Variants in DDHD2 observed in about 807,000 individuals in gnomAD.
The protein encoded by DDHD2 is triacylglycerol hydrolase DDHD2.
In DDHD2, 62 loss-of-function variants were observed where a neutral mutation model predicts 91.2. The observed-to-expected ratio is 0.68, with a 90% CI of 0.55 to 0.84. DDHD2 has a LOEUF of 0.84. Among genes scored for constraint, DDHD2 ranks in the 40% least tolerant of loss-of-function variants. The probability of loss-of-function intolerance (pLI) is 0.00; values close to 1 mark genes in which losing one functional copy is unlikely to be tolerated. For synonymous variants in DDHD2, 271 were observed against 293.9 expected (o/e 0.92, Z 0.80); for missense variants, 740 against 846.9 (o/e 0.87, Z 1.57).
chr8:38,234,916 C>T (rs999737218), intron 3 of DDHD2, among the ~76,000 whole-genome samples: 16 of 151,654 alleles, frequency 1.1e-4, no homozygotes, highest in Non-Finnish European at 5.9e-5. Flanking sequence ...TACAGGTGGC[C>T]GCCACCACAC....
At chr8:38,265,346 C>T (rs1349034103), downstream of DDHD2, among the ~76,000 whole-genome samples, 1 of 151,600 alleles carries the variant, frequency 6.6e-6, no homozygotes, top group Non-Finnish European at 1.5e-5. Context: ...TTCCTGAGGA[C>T]CTGTGGGCAA....
chr8:38,250,373 C>T (rs553640662), intron 11 of DDHD2: 2 of 151,916 alleles, frequency 1.3e-5, no homozygotes, highest in East Asian at 3.9e-4. Context: ...AAGCAATTCT[C>T]CTGCTTCATC....
chr8:38,268,833 G>A (rs755185719), intron 1 of DDHD2: 2 of 1,483,930 alleles, frequency 1.3e-6, no homozygotes, highest in South Asian at 1.4e-5. Flanking sequence ...AGGTGCCCGC[G>A]GGAAGCCGGG....
rs762961711 is a variant in DDHD2 at position 38,253,119 on chromosome 8, A to G, written c.1883A>G (p.Lys628Arg). 6.2e-7 allele frequency: 1 copy of G among 1,613,682 alleles called. No homozygotes were observed. The highest frequency in any genetic ancestry group is 1.7e-5 in the Admixed American group (1 of 59,926). Residue 628 changes from lysine (K) to arginine (R), a missense_variant, in exon 15 of 18, where the codon AAG becomes AGG. Lys to Arg is a conservative substitution (Grantham distance 26, BLOSUM62 2). Coordinates refer to ENST00000397166, the MANE Select transcript of DDHD2 (RefSeq NM_015214.3). The part of the protein sequence containing the change: ...TEAEPESTSE[K>R]PSDVNTEETS... ...GCAGAACCTGAATCAACTTCAGAGAAGCCTAGTGGTCAGTGACACTGTACA... is the reference window on the plus strand; with the variant it reads ...GCAGAACCTGAATCAACTTCAGAGAGGCCTAGTGGTCAGTGACACTGTACA...
intron 7 of DDHD2, among the ~76,000 whole-genome samples, chr8:38,245,003 A>G (rs1805515353): frequency 6.6e-6 from 1 of 150,796 alleles, no homozygotes; most frequent in Non-Finnish European, 1.5e-5. Flanking sequence ...TATTTTATAC[A>G]TATTTTTATA....
At chr8:38,251,684 G>A in intron 11 of DDHD2, 1 of 360,390 alleles carries the variant, frequency 2.8e-6, no homozygotes, top group Non-Finnish European at 5.0e-6. Flanking sequence ...TTTCCCAAGG[G>A]TCCTTTCAAA....
Position 38,268,439 on chromosome 8 carries a change from A to C in DDHD2, n.88-2683A>C, listed in dbSNP as rs1331155293. ...AAATTTGGCCAGGAAGATCAGAGAC[A>C]GTGGAGAGAGAAATGCAATAACCTG... On this transcript the variant is annotated intron_variant and non_coding_transcript_variant, in intron 1 of 1. Coordinates refer to the DDHD2 transcript ENST00000526071. 1.9e-6 allele frequency: 3 copies of C among 1,574,888 alleles called. No individual in the cohort carries two copies. The highest frequency in any genetic ancestry group is 1.7e-4 in the Middle Eastern group (1 of 6,022).
rs534158497 is a variant in DDHD2 at position 38,249,462 on chromosome 8, T to G, written c.1249-246T>G. ...TAGATACCCAACTTCTCTGTTTTTT[T>G]TTTTTTTTTTTAACAATAACAATGT... On this transcript the variant is annotated intron_variant, in intron 10 of 17. Transcript: ENST00000397166. 6.8e-4 allele frequency among the ~76,000 whole-genome samples: 104 copies of G among 151,924 alleles called. 1 individual carries two copies. The highest frequency in any genetic ancestry group is 5.2e-3 in the South Asian group (25 of 4,824).
rs780967937 is a variant in DDHD2, at chr8:38,253,151, C to G, written c.1891+24C>G. 3.1e-6 allele frequency: 5 copies of G among 1,588,760 alleles called. No homozygotes were observed. The Admixed American group carries it at 9.2e-5, about 29-fold the overall frequency. ...TGGTCAGTGACACTGTACACATTGA[C>G]CAGCTGCCAGATAAGAGGGATGCCA... is the stretch of plus-strand genomic sequence containing the variant. On this transcript the variant is annotated intron_variant, in intron 15 of 17. Coordinates refer to ENST00000397166, the MANE Select transcript of DDHD2 (RefSeq NM_015214.3).
intron 1 of DDHD2, chr8:38,269,056 C>T: frequency 6.6e-7 from 1 of 1,524,462 alleles, no homozygotes; most frequent in Non-Finnish European, 8.8e-7. Flanking sequence ...CACTGCCCGA[C>T]CCGCCGCCCC....
chr8:38,267,499 A>T (rs921544109), downstream of DDHD2: 18 of 1,290,028 alleles, frequency 1.4e-5, no homozygotes, highest in African/African-American at 2.5e-4. Context: ...ATAGTGCCCC[A>T]GGCAAAATAA....
chr8:38,263,651 C>T (rs1361913282), downstream of DDHD2: 20 of 985,226 alleles, frequency 2.0e-5, no homozygotes, highest in Admixed American at 6.2e-5. Flanking sequence ...TCGACATTTT[C>T]CTATTTAAGG....
intron 15 of DDHD2, 168 bp downstream of exon 15, chr8:38,253,295 G>A: frequency 1.2e-6 from 1 of 846,620 alleles, no homozygotes; most frequent in Non-Finnish European, 1.8e-6. Flanking sequence ...CTTGCATTTA[G>A]TATAAACCCA....
At chr8:38,234,990 T>C (rs2130746762) in intron 3 of DDHD2, among the ~76,000 whole-genome samples, 1 of 152,142 alleles carries the variant, frequency 6.6e-6, no homozygotes, top group Middle Eastern at 3.4e-3. Flanking sequence ...ACTGTTTGGG[T>C]AGTATTTTTT....
At chr8:38,267,090 A>T (rs1276453676), downstream of DDHD2, 2 of 1,459,052 alleles carry the variant, frequency 1.4e-6, no homozygotes, top group East Asian at 4.9e-5. Context: ...CTGTTCTGTA[A>T]TATTTACCCA....
rs764911554 is a variant in DDHD2, at chr8:38,251,946, G to T, written c.1379G>T (p.Gly460Val). 2 of 1,613,990 alleles carry T rather than the reference G, an allele frequency of 1.2e-6. No homozygotes were observed. Among genetic ancestry groups the T allele is most frequent in the Admixed American group, 3.3e-5 (2 of 59,996 alleles). The change falls in exon 12 of 18, where the codon GGG (glycine) becomes GTG (valine). Residue 460 changes from glycine to valine, a missense_variant. By Grantham distance (109) the Gly-to-Val change is moderately radical (BLOSUM62 -3). Transcript: ENST00000397166. ...AGACCAGCCCCGCAGCCTGCTTCAG[G>T]GGCAAACATCCCCAAAGAATCTGAG... ...IKRPAPQPAS[G>V]ANIPKESEFC...
chr8:38,270,588 T>C (rs1203590252), intron 1 of DDHD2: 2 of 152,224 alleles, frequency 1.3e-5, no homozygotes, highest in African/African-American at 2.4e-5. Flanking sequence ...ATTTCTAAAC[T>C]GACAAGAATA....
downstream of DDHD2, chr8:38,265,400 T>C (rs542645202): frequency 6.6e-6 from 1 of 152,588 alleles, no homozygotes; most frequent in African/African-American, 2.4e-5. Flanking sequence ...TTCAAGCCAT[T>C]CTCCTGCCTC....
At chr8:38,267,722 C>T, downstream of DDHD2, 1 of 702,468 alleles carries the variant, frequency 1.4e-6, no homozygotes, top group East Asian at 2.7e-5. Flanking sequence ...GCCCAGGTGT[C>T]ACCTGGAGGA....
Sources: gnomAD v4.1 joint callset for allele counts (sites outside exome capture counted in the v4.1 genomes callset) on GRCh38, gnomAD v4.1.1 for gene constraint, MANE v1.5 for transcripts, NCBI Gene and HGNC (gene_info 2026-07-23, HGNC 2026-07-21) for gene names.